PPP1R9A: variants seen among roughly 807,000 people sequenced by gnomAD.
PPP1R9A encodes the protein neurabin-1.
A neutral mutation model predicts 141.9 loss-of-function variants in PPP1R9A; 59 were observed. The observed-to-expected ratio is 0.42, with a 90% CI of 0.34 to 0.52. The LOEUF is 0.52. Ranked by LOEUF, PPP1R9A falls within the 20% of genes least tolerant of loss-of-function variation. The pLI, the probability that PPP1R9A is intolerant of heterozygous loss-of-function variation, is 0.10. For missense variants in PPP1R9A, 1,444 were observed against 1,611.9 expected, an observed-to-expected ratio of 0.90 and a Z score of 1.78; for synonymous variants, 500 against 569.7, an observed-to-expected ratio of 0.88 and a Z score of 1.74.
At chr7:95,151,453 G>A (rs895457402) in intron 4 of PPP1R9A, among the ~76,000 whole-genome samples, 3 of 152,148 alleles carry the variant, frequency 2.0e-5, no homozygotes, top group Non-Finnish European at 2.9e-5. Context: ...ATTGTTTGCC[G>A]GGGATTTGGT....
At chr7:95,077,701 A>G (rs1242424006) in intron 2 of PPP1R9A, among the ~76,000 whole-genome samples, 6 of 152,194 alleles carry the variant, frequency 3.9e-5, no homozygotes, top group Non-Finnish European at 7.3e-5. Context: ...ATAATGGTAA[A>G]TCTCAAAGAG....
intron 4 of PPP1R9A, among the ~76,000 whole-genome samples, chr7:95,143,155 T>C (rs1827004100): frequency 6.6e-6 from 1 of 152,148 alleles, no homozygotes; most frequent in Non-Finnish European, 1.5e-5. Flanking sequence ...GCCCATATTA[T>C]TCCAATGTAC....
intron 5 of PPP1R9A, among the ~76,000 whole-genome samples, chr7:95,192,400 A>G (rs1251911973): frequency 1.3e-5 from 2 of 152,048 alleles, no homozygotes; most frequent in African/African-American, 4.8e-5. Context: ...AGGAAATGGC[A>G]TCTCTATTTT....
chr7:94,994,103 A>G (rs1306858466), intron 2 of PPP1R9A, among the ~76,000 whole-genome samples: 1 of 152,188 alleles, frequency 6.6e-6, no homozygotes, highest in Non-Finnish European at 1.5e-5. Context: ...AGACTTAAAG[A>G]CCCAGGGAAA....
At chr7:95,003,511 A>G (rs1004487396) in intron 2 of PPP1R9A, among the ~76,000 whole-genome samples, 8 of 152,194 alleles carry the variant, frequency 5.3e-5, no homozygotes, top group African/African-American at 1.9e-4. Flanking sequence ...TTATTCTGAA[A>G]ACTCTCTAAT....
At chr7:95,136,033 G>T (rs1467716124) in intron 4 of PPP1R9A, among the ~76,000 whole-genome samples, 2 of 151,936 alleles carry the variant, frequency 1.3e-5, no homozygotes, top group Non-Finnish European at 2.9e-5. Flanking sequence ...CCACCAACTT[G>T]TAGTGCCATG....
intron 8 of PPP1R9A, among the ~76,000 whole-genome samples, chr7:95,231,294 G>C (rs956159046): frequency 1.3e-5 from 2 of 152,144 alleles, no homozygotes; most frequent in Admixed American, 6.6e-5. Flanking sequence ...CACAATAATA[G>C]TGGGGGACTT....
rs1806688882 is a variant in PPP1R9A, at chr7:95,293,758, G to A, written c.*3455G>A. 1 of 152,166 alleles carries A rather than the reference G, an allele frequency of 6.6e-6. No homozygotes were observed. Among genetic ancestry groups the A allele is most frequent in the Admixed American group, 6.5e-5 (1 of 15,272 alleles). The allele number at this position is 152,166 out of a possible 1,614,324, so 9.4% of individuals were successfully genotyped here. ...TAGAGTTTGTGCTGAAGACAAATTT[G>A]TCTGGGTTCATTGTGCACCAGAATT... On this transcript the variant is annotated 3_prime_UTR_variant, in exon 20 of 20. Transcript: ENST00000433360.
intron 2 of PPP1R9A, among the ~76,000 whole-genome samples, chr7:95,052,091 C>T (rs113989416): frequency 0.013 from 1,912 of 152,150 alleles, 19 homozygotes; most frequent in Non-Finnish European, 0.017. Flanking sequence ...TCACCTGTCT[C>T]GGCCTCCCAA....
chr7:95,044,833 A>C (rs73218110), intron 2 of PPP1R9A, among the ~76,000 whole-genome samples: 48,630 of 151,170 alleles, frequency 0.32, 9,447 homozygotes, highest in Non-Finnish European at 0.44. Flanking sequence ...TCAGCCTCTC[A>C]AAGTGCTGGG....
intron 2 of PPP1R9A, among the ~76,000 whole-genome samples, chr7:95,014,150 A>G (rs1804782692): frequency 6.6e-6 from 1 of 152,022 alleles, no homozygotes; most frequent in South Asian, 2.1e-4. Context: ...ACTTTTATTT[A>G]TTTAATCTGT....
intron 2 of PPP1R9A, among the ~76,000 whole-genome samples, chr7:94,974,163 A>C (rs549772406): frequency 1.6e-4 from 24 of 152,260 alleles, no homozygotes; most frequent in African/African-American, 5.5e-4. Context: ...TGAATCTGAG[A>C]TAGAGGTTCT....
At chr7:95,144,161 C>T (rs1409398560) in intron 4 of PPP1R9A, among the ~76,000 whole-genome samples, 3 of 152,046 alleles carry the variant, frequency 2.0e-5, no homozygotes, top group African/African-American at 4.8e-5. Context: ...TGCCCCACTC[C>T]CCCCAGTCCC....
At chr7:94,939,766 T>TTA (rs376392944) in intron 2 of PPP1R9A, among the ~76,000 whole-genome samples, 1,677 of 145,752 alleles carry the variant, frequency 0.012, 20 homozygotes, top group East Asian at 0.037. Context: ...AGGGACAAGA[T>TTA]TATATATATA....
At chr7:95,097,532 T>G (rs1049874571) in intron 2 of PPP1R9A, among the ~76,000 whole-genome samples, 15 of 152,224 alleles carry the variant, frequency 9.9e-5, no homozygotes, top group African/African-American at 3.4e-4. Context: ...GCTACTGTTC[T>G]TTTAGTCTCT....
At chr7:95,011,543 A>G (rs1020200178) in intron 2 of PPP1R9A, among the ~76,000 whole-genome samples, 1 of 152,138 alleles carries the variant, frequency 6.6e-6, no homozygotes, top group Non-Finnish European at 1.5e-5. Flanking sequence ...TGATTTCTTA[A>G]TATTTTTCAC....
At chr7:95,076,410 C>T (rs1432501062) in intron 2 of PPP1R9A, among the ~76,000 whole-genome samples, 2 of 150,292 alleles carry the variant, frequency 1.3e-5, no homozygotes, top group South Asian at 2.1e-4. Flanking sequence ...TTGTATAATC[C>T]ACCTTCTCTT....
chr7:95,212,161 G>A (rs1167872044), intron 7 of PPP1R9A, among the ~76,000 whole-genome samples: 1 of 152,030 alleles, frequency 6.6e-6, no homozygotes, highest in Non-Finnish European at 1.5e-5. Flanking sequence ...CAGTTTAATA[G>A]GATCTCCAGG....
intron 4 of PPP1R9A, among the ~76,000 whole-genome samples, chr7:95,127,627 C>T (rs1823806904): frequency 6.6e-6 from 1 of 151,672 alleles, no homozygotes; most frequent in Non-Finnish European, 1.5e-5. Context: ...AGGTACTGAT[C>T]ATAGTACCCA....
Sources: allele counts gnomAD v4.1 joint callset (sites outside exome capture counted in the v4.1 genomes callset), GRCh38; gene constraint gnomAD v4.1.1; transcripts MANE v1.5; gene names NCBI Gene and HGNC (gene_info 2026-07-23, HGNC 2026-07-21).